RNF111: variants seen among roughly 807,000 people sequenced by gnomAD.
The protein encoded by RNF111 is E3 ubiquitin-protein ligase Arkadia.
In RNF111, 17 loss-of-function variants were observed where a neutral mutation model predicts 95.1. The ratio of observed to expected loss-of-function variants is 0.18; its 90% confidence interval spans 0.12 to 0.27. The LOEUF is 0.27. RNF111 is among the 10% of genes least tolerant of loss of function. The probability of loss-of-function intolerance (pLI) is 1.00; values close to 1 mark genes in which losing one functional copy is unlikely to be tolerated. For missense variants in RNF111, 1,189 were observed against 1,210.4 expected (o/e 0.98, Z 0.26); for synonymous variants, 440 against 414.8 (o/e 1.06, Z -0.74).
Position 59,081,072 on chromosome 15 carries a change from A to C in RNF111, c.2085A>C (p.Gln695His), listed in dbSNP as rs920474279. 1.3e-5 allele frequency: 21 copies of C among 1,613,856 alleles called. No individual in the cohort carries two copies. In the African/African-American group the frequency reaches 2.3e-4, roughly 17 times the overall value. ...IPHPVHAFHS[Q>H]ISSHATSHPV... is the part of the protein sequence containing the mutation. Reference sequence around the variant, plus strand: ...ATCCTGTACATGCTTTCCATTCTCAAATATCTTCTCATGCAACATCTCATC... The same window carrying C: ...ATCCTGTACATGCTTTCCATTCTCACATATCTTCTCATGCAACATCTCATC... The change falls in exon 8 of 14, where the codon CAA (glutamine) becomes CAC (histidine). Residue 695 changes from glutamine to histidine, a missense_variant. Physicochemically the swap from Gln to His is conservative, Grantham distance 24 (BLOSUM62 0). Transcript: ENST00000348370.
At chr15:59,048,718 A>T (rs1297077668) in intron 2 of RNF111, among the ~76,000 whole-genome samples, 1 of 152,254 alleles carries the variant, frequency 6.6e-6, no homozygotes, top group East Asian at 1.9e-4. Context: ...AAATACAGCA[A>T]GAAAAGAAAT....
At chr15:59,049,036 C>T (rs1438143232) in intron 2 of RNF111, among the ~76,000 whole-genome samples, 5 of 152,128 alleles carry the variant, frequency 3.3e-5, no homozygotes, top group South Asian at 4.1e-4. Context: ...AGGAGATTGA[C>T]GGCATGAGCG....
chr15:59,039,326 AAC>A (rs1302526945), intron 2 of RNF111, among the ~76,000 whole-genome samples: 6 of 152,214 alleles, frequency 3.9e-5, no homozygotes, highest in African/African-American at 1.4e-4. Flanking sequence ...ATAAAGGAAG[AAC>A]ACTTTGTTCA....
chr15:59,030,745 ATTAAATAG>A (rs2040862110), intron 1 of RNF111, 51 bp from the exon 2 acceptor site: 2 of 1,224,422 alleles, frequency 1.6e-6, no homozygotes, highest in African/African-American at 3.0e-5. Context: ...GAACTCTTCA[ATTAAATAG>A]TATAATAAAA....
intron 1 of RNF111, among the ~76,000 whole-genome samples, chr15:59,012,253 A>C (rs1441028466): frequency 6.6e-6 from 1 of 151,944 alleles, no homozygotes; most frequent in Non-Finnish European, 1.5e-5. Context: ...TTCTGACCTC[A>C]GGTGGTCCAC....
chr15:59,066,791 C>G lies in RNF111; in HGVS notation c.1394C>G (p.Ala465Gly). 1.2e-6 allele frequency: 2 copies of G among 1,613,854 alleles called. No individual in the cohort carries two copies. Among genetic ancestry groups the G allele is most frequent in the Non-Finnish European group, 1.7e-6 (2 of 1,179,882 alleles). Reference protein sequence around the residue: ...GDDSRRTTSSAVTETGPPAMP... With the variant: ...GDDSRRTTSSGVTETGPPAMP... ...GACTCAAGGAGAACTACATCTAGTG[C>G]TGTAACGGAAACTGGCCCTCCTGCA... The change falls in exon 6 of 14, where the codon GCT becomes GGT. Residue 465 changes from alanine (A) to glycine (G), a missense_variant. By Grantham distance (60) the Ala-to-Gly change is moderately conservative. Transcript: ENST00000348370.
chr15:59,092,146 A>C (rs1289766204), intron 12 of RNF111, among the ~76,000 whole-genome samples: 1 of 152,226 alleles, frequency 6.6e-6, no homozygotes, highest in Non-Finnish European at 1.5e-5. Context: ...CAACTGTCCA[A>C]GTTAAATACT....
chr15:59,058,436 A>T lies in RNF111; in HGVS notation c.1252A>T (p.Thr418Ser). The T allele has an allele frequency of 6.2e-6, 10 of 1,614,000 alleles. No homozygotes were observed. Among genetic ancestry groups the T allele is most frequent in the Non-Finnish European group, 8.5e-6 (10 of 1,179,986 alleles). Residue 418 changes from threonine (T) to serine (S), a missense_variant, in exon 5 of 14, where the codon ACC becomes TCC. Coordinates refer to ENST00000348370, the MANE Select transcript of RNF111 (RefSeq NM_017610.8). ...SASINNSNPSTSEQASDTASA... is the reference protein window; with the variant it reads ...SASINNSNPSSSEQASDTASA... Reference sequence around the variant, plus strand: ...TTCCATTAACAATTCAAATCCATCTACCTCTGAGCAGGCCTCTGATACTGC... The same window carrying T: ...TTCCATTAACAATTCAAATCCATCTTCCTCTGAGCAGGCCTCTGATACTGC...
At chr15:59,089,914 G>T (rs1390234927) in intron 11 of RNF111, among the ~76,000 whole-genome samples, 155 bp downstream of exon 11, 3 of 152,070 alleles carry the variant, frequency 2.0e-5, no homozygotes, top group Non-Finnish European at 4.4e-5. Flanking sequence ...AGAAATATTT[G>T]TAAGTATTAT....
intron 6 of RNF111, among the ~76,000 whole-genome samples, chr15:59,072,354 C>T (rs977504125): frequency 6.6e-6 from 1 of 151,906 alleles, no homozygotes; most frequent in Non-Finnish European, 1.5e-5. Flanking sequence ...TGGAATCAAT[C>T]CTTTCAAACT....
At chr15:59,073,045 G>A (rs1322116991) in intron 6 of RNF111, among the ~76,000 whole-genome samples, 12 of 151,984 alleles carry the variant, frequency 7.9e-5, no homozygotes, top group Non-Finnish European at 1.2e-4. Flanking sequence ...AGTGGCACGC[G>A]CCTGTGGTCC....
At chr15:59,032,234 T>G (rs911996816) in intron 2 of RNF111, among the ~76,000 whole-genome samples, 1 of 152,220 alleles carries the variant, frequency 6.6e-6, no homozygotes, top group Admixed American at 6.5e-5. Flanking sequence ...CCACTGTACC[T>G]GGCCTCATTT....
At position 59,012,003 on chromosome 15, in the gene RNF111, C is replaced by CTTTTTTTTT. The variant is rs71425836; in HGVS notation, c.-19-18780_-19-18772dup. 9.5e-3 allele frequency among the ~76,000 whole-genome samples: 384 copies of CTTTTTTTTT among 40,466 alleles called. 78 individuals are homozygous for CTTTTTTTTT. Among genetic ancestry groups the CTTTTTTTTT allele is most frequent in the East Asian group, 0.027 (27 of 990 alleles). 26.5% of individuals were successfully genotyped at this position (40,466 alleles called of 152,430 possible). A position where few individuals can be genotyped will look rare whatever the true frequency, so the allele number is the denominator to read the frequency against. On this transcript the variant is annotated intron_variant, in intron 1 of 13. Transcript: ENST00000348370. ...TTAGTGTTCTTTTTTGTTTGTTTGCCTTTTTTTTTTTTTTTTTTTTTTTTT... is the reference window on the plus strand; with the variant it reads ...TTAGTGTTCTTTTTTGTTTGTTTGCCTTTTTTTTTTTTTTTTTTTTTTTTTTTTTTTTTT...
intron 2 of RNF111, among the ~76,000 whole-genome samples, chr15:59,049,205 G>A (rs1310238221): frequency 6.6e-6 from 1 of 151,904 alleles, no homozygotes; most frequent in Non-Finnish European, 1.5e-5. Flanking sequence ...TCTGACCCTG[G>A]TTACCACCAC....
chr15:59,036,052 C>G (rs531624030), intron 2 of RNF111, among the ~76,000 whole-genome samples: 8 of 152,222 alleles, frequency 5.3e-5, no homozygotes, highest in African/African-American at 1.7e-4. Context: ...ATACCCGAGA[C>G]TGGGTAATTT....
chr15:59,041,370 A>G (rs1364915232), intron 2 of RNF111, among the ~76,000 whole-genome samples: 2 of 152,296 alleles, frequency 1.3e-5, no homozygotes, highest in South Asian at 2.1e-4. Context: ...CCCGACCAAC[A>G]TGGTGAAACT....
chr15:58,997,414 A>G (rs1201896492), intron 1 of RNF111, among the ~76,000 whole-genome samples: 1 of 152,144 alleles, frequency 6.6e-6, no homozygotes, highest in African/African-American at 2.4e-5. Context: ...GATGGTGCAA[A>G]AAACAGTGGT....
intron 1 of RNF111, among the ~76,000 whole-genome samples, chr15:59,028,464 G>A (rs2040735358): frequency 6.6e-6 from 1 of 152,000 alleles, no homozygotes; most frequent in Non-Finnish European, 1.5e-5. Context: ...CAACAATAAA[G>A]TAGCAAAATT....
intron 11 of RNF111, 144 bp from the exon 12 acceptor site, chr15:59,090,915 C>G: frequency 2.0e-6 from 1 of 511,630 alleles, no homozygotes; most frequent in Non-Finnish European, 3.5e-6. Context: ...TAAGTAACCA[C>G]TTGTCATGTG....
Sources: allele counts gnomAD v4.1 joint callset (sites outside exome capture counted in the v4.1 genomes callset), GRCh38; gene constraint gnomAD v4.1.1; transcripts MANE v1.5; gene names NCBI Gene and HGNC (gene_info 2026-07-23, HGNC 2026-07-21).